Variants in BORCS5 observed in about 807,000 individuals in gnomAD.
BORCS5 encodes BLOC-1 related complex subunit 5.
A neutral mutation model predicts 22.1 loss-of-function variants in BORCS5; 17 were observed. That is an observed-to-expected ratio of 0.77 (90% confidence interval 0.53 to 1.15). The LOEUF (loss-of-function observed/expected upper bound fraction) is 1.15, where lower values mean the gene tolerates loss of function less well. Ranked by LOEUF, BORCS5 falls within the 50% of genes most tolerant of loss-of-function variation. The probability of loss-of-function intolerance (pLI) is 0.00; values close to 1 mark genes in which losing one functional copy is unlikely to be tolerated. For synonymous variants in BORCS5, 117 were observed against 99.8 expected, an observed-to-expected ratio of 1.17 and a Z score of -1.03; for missense variants, 247 against 253.2, an observed-to-expected ratio of 0.98 and a Z score of 0.17.
At chr12:12,438,128 G>A (rs1486290420) in intron 3 of BORCS5, among the ~76,000 whole-genome samples, 1 of 151,882 alleles carries the variant, frequency 6.6e-6, no homozygotes, top group Non-Finnish European at 1.5e-5. Context: ...GCTTTTTGAT[G>A]CTTATTCTTT....
At chr12:12,386,689 C>T (rs1011823513) in intron 2 of BORCS5, among the ~76,000 whole-genome samples, 5 of 145,568 alleles carry the variant, frequency 3.4e-5, no homozygotes, top group East Asian at 2.1e-4. Flanking sequence ...AGGCTGGTCT[C>T]GAACTCCTGA....
At chr12:12,358,670 G>A (rs1863205941) in intron 1 of BORCS5, among the ~76,000 whole-genome samples, 1 of 152,146 alleles carries the variant, frequency 6.6e-6, no homozygotes, top group South Asian at 2.1e-4. Flanking sequence ...ATTCCCCTGT[G>A]CCCGGTACTT....
chr12:12,401,491 C>CT (rs1312318873), intron 2 of BORCS5, among the ~76,000 whole-genome samples: 2 of 151,972 alleles, frequency 1.3e-5, no homozygotes, highest in East Asian at 3.9e-4. Context: ...TATAACATAG[C>CT]TTTTTTGCCA....
intron 2 of BORCS5, among the ~76,000 whole-genome samples, chr12:12,408,593 A>G (rs142342071): frequency 3.3e-5 from 5 of 152,250 alleles, no homozygotes; most frequent in African/African-American, 1.2e-4. Flanking sequence ...CCACTGTTCT[A>G]CTTTCTTTCT....
chr12:12,456,583 G>A (rs1433948415), intron 3 of BORCS5, among the ~76,000 whole-genome samples: 1 of 152,074 alleles, frequency 6.6e-6, no homozygotes, highest in East Asian at 1.9e-4. Context: ...AAAGCTTTTG[G>A]TTTTGCTTTC....
chr12:12,361,229 A>G lies in BORCS5; in HGVS notation c.82A>G (p.Arg28Gly), dbSNP rs747141622. ...AGTGACTCCTTCACCAGCCAAGCAT[A>G]GAGCCAAGATGGATGATATTGTGGT... ...SSVTPSPAKH[R>G]AKMDDIVVVA... Residue 28 changes from arginine to glycine, a missense_variant, in exon 2 of 4, where the codon AGA becomes GGA. Arg to Gly is a moderately radical substitution (Grantham distance 125). Transcript: ENST00000314565. 6 of 1,613,872 alleles carry G rather than the reference A, an allele frequency of 3.7e-6. No individual in the cohort carries two copies. The East Asian group carries it at 6.7e-5, about 18-fold the overall frequency.
chr12:12,465,896 G>T lies in BORCS5; in HGVS notation c.*120G>T. 1.3e-6 allele frequency: 1 copy of T among 755,218 alleles called. No individual in the cohort carries two copies. 46.8% of individuals were successfully genotyped at this position (755,218 alleles called of 1,614,324 possible). A position where few individuals can be genotyped will look rare whatever the true frequency, so the allele number is the denominator to read the frequency against. On this transcript the variant is annotated 3_prime_UTR_variant, in exon 4 of 4. Coordinates refer to ENST00000314565, the MANE Select transcript of BORCS5 (RefSeq NM_058169.6). ...CTGGCGGGAGGCTCCCTGAAAGTGGGTGCGAAGGAGTCCGGCTGGCATGAA... is the reference window on the plus strand; with the variant it reads ...CTGGCGGGAGGCTCCCTGAAAGTGGTTGCGAAGGAGTCCGGCTGGCATGAA...
chr12:12,374,539 C>G (rs1025174938), intron 2 of BORCS5, among the ~76,000 whole-genome samples: 3 of 151,344 alleles, frequency 2.0e-5, no homozygotes, highest in Non-Finnish European at 4.4e-5. Context: ...ACTTGGGAGG[C>G]TGAAGTGGGA....
chr12:12,450,950 A>G (rs55946646), intron 3 of BORCS5, among the ~76,000 whole-genome samples: 10,230 of 152,334 alleles, frequency 0.067, 422 homozygotes, highest in Middle Eastern at 0.11. Context: ...AATAATTAAA[A>G]TAACTAGAGA....
intron 2 of BORCS5, among the ~76,000 whole-genome samples, chr12:12,362,143 C>T (rs10772556): frequency 0.48 from 72,384 of 152,048 alleles, 20,469 homozygotes; most frequent in South Asian, 0.72. Flanking sequence ...ATTAAAATGC[C>T]CCTCCTCATA....
chr12:12,406,355 C>T (rs2136079383), intron 2 of BORCS5, among the ~76,000 whole-genome samples: 1 of 152,306 alleles, frequency 6.6e-6, no homozygotes, highest in Non-Finnish European at 1.5e-5. Context: ...CAATTATCTG[C>T]TATAAGTATT....
At position 12,401,886 on chromosome 12, in the gene BORCS5, G is replaced by A. The variant is rs563925689; in HGVS notation, c.203-33742G>A. ...ATCCTGGTTAACATGGTGAAACCCT[G>A]TCTCTACTAAAAAAAAAAAATACAA... On this transcript the variant is annotated intron_variant, in intron 2 of 3. Transcript: ENST00000314565. 4.0e-5 allele frequency among the ~76,000 whole-genome samples: 6 copies of A among 151,382 alleles called. No individual in the cohort carries two copies. The East Asian group carries it at 5.9e-4, about 15-fold the overall frequency.
At chr12:12,413,108 CTT>C (rs140916578) in intron 2 of BORCS5, among the ~76,000 whole-genome samples, 54 of 20,706 alleles carry the variant, frequency 2.6e-3, no homozygotes, top group African/African-American at 8.9e-3. Context: ...GGTGATGACT[CTT>C]TTTTTTTTTT....
chr12:12,386,963 A>C (rs776779430), intron 2 of BORCS5, among the ~76,000 whole-genome samples: 2 of 150,928 alleles, frequency 1.3e-5, no homozygotes, highest in Non-Finnish European at 3.0e-5. Flanking sequence ...TCCTGGGCTC[A>C]AGTGATCCTC....
chr12:12,357,848 T>G (rs1863181926), intron 1 of BORCS5, among the ~76,000 whole-genome samples: 1 of 152,200 alleles, frequency 6.6e-6, no homozygotes, highest in Admixed American at 6.5e-5. Context: ...ACACAGTGGA[T>G]GGATTATAGG....
At chr12:12,427,913 C>T (rs1942329869) in intron 2 of BORCS5, among the ~76,000 whole-genome samples, 1 of 152,168 alleles carries the variant, frequency 6.6e-6, no homozygotes, top group African/African-American at 2.4e-5. Flanking sequence ...CTAAGGTCCC[C>T]ACCTCCTAAT....
In BORCS5 at chr12:12,433,987, T is replaced by C. The variant is rs1020303505; in HGVS notation, c.203-1641T>C. On this transcript the variant is annotated intron_variant, in intron 2 of 3. Coordinates refer to ENST00000314565, the MANE Select transcript of BORCS5 (RefSeq NM_058169.6). Reference sequence around the variant, plus strand: ...GGTTGGGGACAGTGAGGGGTGGACATTGGTGGTTGGGGTCGGTGAGGAAGG... The same window carrying C: ...GGTTGGGGACAGTGAGGGGTGGACACTGGTGGTTGGGGTCGGTGAGGAAGG... Among the ~76,000 whole-genome samples the C allele has an allele frequency of 1.4e-4, 21 of 151,732 alleles. No homozygotes were observed. The Middle Eastern group carries it at 0.01, about 74-fold the overall frequency.
chr12:12,446,190 T>C (rs886462729), intron 3 of BORCS5, among the ~76,000 whole-genome samples: 5 of 150,808 alleles, frequency 3.3e-5, no homozygotes, highest in East Asian at 3.9e-4. Flanking sequence ...TTACATTCCA[T>C]TGTGGACACA....
intron 2 of BORCS5, among the ~76,000 whole-genome samples, chr12:12,389,878 A>G (rs2136056023): frequency 6.6e-6 from 1 of 152,120 alleles, no homozygotes; most frequent in Admixed American, 6.5e-5. Context: ...TCTTGACCTC[A>G]AGTGATCTTC....
Sources: allele counts gnomAD v4.1 joint callset (sites outside exome capture counted in the v4.1 genomes callset), GRCh38; gene constraint gnomAD v4.1.1; transcripts MANE v1.5; gene names NCBI Gene and HGNC (gene_info 2026-07-23, HGNC 2026-07-21).